KCNQ3: variants seen among roughly 807,000 people sequenced by gnomAD.
The protein encoded by KCNQ3 is potassium voltage-gated channel subfamily Q member 3, also known as potassium voltage-gated channel subfamily KQT member 3.
Under a neutral mutation model 92.5 loss-of-function variants are expected in KCNQ3, and 30 were observed. That is an observed-to-expected ratio of 0.32 (90% CI 0.24 to 0.44). The LOEUF (loss-of-function observed/expected upper bound fraction) is 0.44. Among genes scored for constraint, KCNQ3 ranks in the 20% least tolerant of loss-of-function variants. The pLI is 1.00. For synonymous variants in KCNQ3, 450 were observed against 468.8 expected (o/e 0.96, Z 0.52); for missense variants, 913 against 1,140.3 (o/e 0.80, Z 2.87).
intron 8 of KCNQ3, among the ~76,000 whole-genome samples, chr8:132,168,744 TG>T (rs1826215793): frequency 7.4e-6 from 1 of 135,680 alleles, no homozygotes; most frequent in African/African-American, 2.6e-5. Context: ...TGTGTGTGTG[TG>T]TGTGTGTGTG....
chr8:132,244,920 CAAAAAAAA>C (rs35215337), intron 1 of KCNQ3, among the ~76,000 whole-genome samples: 1 of 112,374 alleles, frequency 8.9e-6, no homozygotes, highest in African/African-American at 3.7e-5. Flanking sequence ...CTCACTTGAC[CAAAAAAAA>C]AAAAAAAAAA....
At position 132,392,113 on chromosome 8, in the gene KCNQ3, C is replaced by G. The variant is rs575413910; in HGVS notation, c.386+88034G>C. Among the ~76,000 whole-genome samples, 12 of 152,266 alleles carry G rather than the reference C, an allele frequency of 7.9e-5. No individual in the cohort carries two copies. The South Asian group carries it at 1.9e-3, about 24-fold the overall frequency. On this transcript the variant is annotated intron_variant, in intron 1 of 14. Coordinates refer to ENST00000388996, the MANE Select transcript of KCNQ3 (RefSeq NM_004519.4). ...AATGCCTACAGCATCCGGCCTCCCCCCTGGAGAAACATATCTGGTTACGAC... is the reference window on the plus strand; with the variant it reads ...AATGCCTACAGCATCCGGCCTCCCCGCTGGAGAAACATATCTGGTTACGAC...
At chr8:132,236,721 A>C (rs2130390516) in intron 1 of KCNQ3, among the ~76,000 whole-genome samples, 1 of 152,324 alleles carries the variant, frequency 6.6e-6, no homozygotes, top group South Asian at 2.1e-4. Context: ...ACTTTGAGTA[A>C]GAAGATTAAC....
At chr8:132,276,798 G>A (rs1405202811) in intron 1 of KCNQ3, among the ~76,000 whole-genome samples, 3 of 152,136 alleles carry the variant, frequency 2.0e-5, no homozygotes, top group South Asian at 4.1e-4. Context: ...AGAGCTAGGC[G>A]ACTATGGAAA....
In KCNQ3 at chr8:132,376,626, T is replaced by C. The variant is rs114237770; in HGVS notation, c.386+103521A>G. ...TATGACTGTCCAGACACTTAAGAGG[T>C]TGATCCCAATCTCTTTGTTTTTTGA... is the stretch of plus-strand genomic sequence containing the variant. On this transcript the variant is annotated intron_variant, in intron 1 of 14. Transcript: ENST00000388996. Among the ~76,000 whole-genome samples, 526 of 152,302 alleles carry C rather than the reference T, an allele frequency of 3.5e-3. 2 individuals are homozygous for C. Among genetic ancestry groups the C allele is most frequent in the African/African-American group, 0.012 (491 of 41,572 alleles).
At chr8:132,384,225 G>C (rs1819835171) in intron 1 of KCNQ3, among the ~76,000 whole-genome samples, 1 of 152,126 alleles carries the variant, frequency 6.6e-6, no homozygotes, top group Non-Finnish European at 1.5e-5. Context: ...CCTTGTCCCG[G>C]TGAGCTGCTA....
chr8:132,337,516 A>T (rs1232764070), intron 1 of KCNQ3, among the ~76,000 whole-genome samples: 1 of 152,034 alleles, frequency 6.6e-6, no homozygotes, highest in Non-Finnish European at 1.5e-5. Flanking sequence ...CAAAAACAAA[A>T]ACAAACAAAC....
At chr8:132,154,681 T>G (rs143663850) in intron 9 of KCNQ3, among the ~76,000 whole-genome samples, 2 of 152,280 alleles carry the variant, frequency 1.3e-5, no homozygotes, top group Non-Finnish European at 2.9e-5. Flanking sequence ...GAGCCTGGCC[T>G]CTCCTGTTCC....
At chr8:132,298,150 A>G (rs916023767) in intron 1 of KCNQ3, among the ~76,000 whole-genome samples, 9 of 152,202 alleles carry the variant, frequency 5.9e-5, no homozygotes, top group African/African-American at 2.2e-4. Context: ...TAGAGGACAC[A>G]TGAAGAAATC....
chr8:132,325,422 C>T (rs1818018317), intron 1 of KCNQ3, among the ~76,000 whole-genome samples: 1 of 152,078 alleles, frequency 6.6e-6, no homozygotes, highest in South Asian at 2.1e-4. Context: ...AACTTTGTCT[C>T]TCTAAAATTA....
At chr8:132,154,193 G>GTTTTTTGTTTTTT (rs1825726713) in intron 9 of KCNQ3, among the ~76,000 whole-genome samples, 1 of 27,456 alleles carries the variant, frequency 3.6e-5, no homozygotes, top group African/African-American at 1.5e-4. Context: ...AAGGGTAAAA[G>GTTTTTTGTTTTTT]TTTTTTTTTT....
At position 132,140,154 on chromosome 8, in the gene KCNQ3, G is replaced by A. The variant is rs1048969639; in HGVS notation, c.1490C>T (p.Ala497Val). The A allele has an allele frequency of 1.1e-5, 17 of 1,613,174 alleles. No homozygotes were observed. Among genetic ancestry groups the A allele is most frequent in the African/African-American group, 4.0e-5 (3 of 74,836 alleles). The change falls in exon 11 of 15, where the codon GCG becomes GTG. Residue 497 changes from alanine (A) to valine (V), a missense_variant. Coordinates refer to ENST00000388996, the MANE Select transcript of KCNQ3 (RefSeq NM_004519.4). ...GTCATTCCCATAGCCCCTGTCTTCC[G>A]CCATGGGGTCACCTGTCCCGGCATC... is the stretch of plus-strand genomic sequence containing the variant. ...SEDAGTGDPM[A>V]EDRGYGNDFP...
At chr8:132,336,929 A>T (rs1818380526) in intron 1 of KCNQ3, among the ~76,000 whole-genome samples, 1 of 152,234 alleles carries the variant, frequency 6.6e-6, no homozygotes, top group South Asian at 2.1e-4. Context: ...TCTAGAATCC[A>T]GCCCACATTC....
chr8:132,138,808 T>C (rs1262277715), intron 11 of KCNQ3, among the ~76,000 whole-genome samples: 2 of 152,248 alleles, frequency 1.3e-5, no homozygotes, highest in African/African-American at 4.8e-5. Flanking sequence ...TTCATTTTGT[T>C]TGTCATAGCT....
At chr8:132,162,647 T>C (rs1402704118) in intron 9 of KCNQ3, among the ~76,000 whole-genome samples, 1 of 152,182 alleles carries the variant, frequency 6.6e-6, no homozygotes, top group Non-Finnish European at 1.5e-5. Flanking sequence ...CGTGGTTCAT[T>C]TGAAAACACA....
At chr8:132,330,457 G>A (rs1337291841) in intron 1 of KCNQ3, among the ~76,000 whole-genome samples, 2 of 152,282 alleles carry the variant, frequency 1.3e-5, no homozygotes, top group Admixed American at 1.3e-4. Context: ...TGTGCTGAGT[G>A]CTCCCACTAT....
At chr8:132,450,306 G>A (rs1821792058) in intron 1 of KCNQ3, among the ~76,000 whole-genome samples, 1 of 152,158 alleles carries the variant, frequency 6.6e-6, no homozygotes, top group African/African-American at 2.4e-5. Context: ...TAGCCACAGA[G>A]TGCTGATTGT....
chr8:132,136,361 A>G (rs961820793), intron 12 of KCNQ3, among the ~76,000 whole-genome samples: 1 of 152,072 alleles, frequency 6.6e-6, no homozygotes, highest in Non-Finnish European at 1.5e-5. Context: ...TGGTTTCCTG[A>G]CTGTTATTCC....
chr8:132,362,955 G>A (rs1249667926), intron 1 of KCNQ3, among the ~76,000 whole-genome samples: 1 of 152,056 alleles, frequency 6.6e-6, no homozygotes, highest in Non-Finnish European at 1.5e-5. Flanking sequence ...GGGAAGGAGA[G>A]GCAAGAGGTA....
Sources: gnomAD v4.1 joint callset for allele counts (sites outside exome capture counted in the v4.1 genomes callset) on GRCh38, gnomAD v4.1.1 for gene constraint, MANE v1.5 for transcripts, NCBI Gene and HGNC (gene_info 2026-07-23, HGNC 2026-07-21) for gene names.